MYRIP: variants seen among roughly 807,000 people sequenced by gnomAD.
MYRIP encodes myosin VIIA and Rab interacting protein.
Under a neutral mutation model 98.0 loss-of-function variants are expected in MYRIP, and 49 were observed. The observed-to-expected ratio is 0.50, with a 90% CI of 0.40 to 0.63. MYRIP has a LOEUF of 0.63. MYRIP is among the 30% of genes least tolerant of loss of function. The pLI, the probability that MYRIP is intolerant of heterozygous loss-of-function variation, is 0.00. For synonymous variants in MYRIP, 404 were observed against 409.5 expected, an observed-to-expected ratio of 0.99 and a Z score of 0.16; for missense variants, 1,004 against 1,058.2, an observed-to-expected ratio of 0.95 and a Z score of 0.71.
Position 39,900,808 on chromosome 3 carries a change from T to G in MYRIP, c.-9T>G. 1.2e-6 allele frequency: 2 copies of G among 1,609,402 alleles called. No homozygotes were observed. The highest frequency in any genetic ancestry group is 1.7e-6 in the Non-Finnish European group (2 of 1,176,364). ...CCAGGTCTTGTTTCATCATCTGTGT[T>G]GAGTAACCATGGGGAGGAAGCTGGA... On this transcript the variant is annotated 5_prime_UTR_variant, in exon 2 of 17. Coordinates refer to ENST00000302541, the MANE Select transcript of MYRIP (RefSeq NM_015460.4).
intron 3 of MYRIP, among the ~76,000 whole-genome samples, chr3:40,105,961 C>A (rs913561537): frequency 2.6e-5 from 4 of 151,284 alleles, no homozygotes; most frequent in Admixed American, 1.3e-4. Context: ...GGGACACAAC[C>A]AAACCATATC....
rs200995971 is a variant in MYRIP, at chr3:40,153,126, A to AAT, written c.469+1942_469+1943insAT. On this transcript the variant is annotated intron_variant, in intron 4 of 16. Coordinates refer to ENST00000302541, the MANE Select transcript of MYRIP (RefSeq NM_015460.4). ...AGAGCAAGACCCTGTCCAAAAAAAAAGCATTTTATGGATACCAAGACACTT... is the reference window on the plus strand; with the variant it reads ...AGAGCAAGACCCTGTCCAAAAAAAAAATGCATTTTATGGATACCAAGACACTT... 4.0e-3 allele frequency among the ~76,000 whole-genome samples: 609 copies of AAT among 152,180 alleles called. 6 individuals carry two copies. Among genetic ancestry groups the AAT allele is most frequent in the African/African-American group, 0.014 (569 of 41,480 alleles).
chr3:39,874,600 A>G (rs920226437), intron 1 of MYRIP, among the ~76,000 whole-genome samples: 1 of 152,268 alleles, frequency 6.6e-6, no homozygotes, highest in Admixed American at 6.5e-5. Flanking sequence ...TGAGATAATC[A>G]TGCGGTTTTT....
intron 3 of MYRIP, among the ~76,000 whole-genome samples, chr3:40,057,761 T>C (rs1057441461): frequency 1.3e-5 from 2 of 152,246 alleles, no homozygotes; most frequent in African/African-American, 4.8e-5. Flanking sequence ...GGATGGGGCT[T>C]TGCTTTCTTT....
intron 2 of MYRIP, among the ~76,000 whole-genome samples, chr3:40,035,580 C>T (rs1165636714): frequency 6.6e-6 from 1 of 151,352 alleles, no homozygotes; most frequent in Non-Finnish European, 1.5e-5. Context: ...AGGAAGGGGG[C>T]GTAAAAGAAG....
chr3:39,955,900 T>C (rs1210732809), intron 2 of MYRIP, among the ~76,000 whole-genome samples: 1 of 152,098 alleles, frequency 6.6e-6, no homozygotes. Flanking sequence ...AAAACAGATT[T>C]TAAATCAACA....
intron 1 of MYRIP, among the ~76,000 whole-genome samples, chr3:39,853,977 C>A (rs1250812175): frequency 6.6e-6 from 1 of 152,068 alleles, no homozygotes; most frequent in African/African-American, 2.4e-5. Flanking sequence ...ATGTGGCTTG[C>A]CAGTTATCCC....
chr3:39,995,029 C>A (rs1007086521), intron 2 of MYRIP, among the ~76,000 whole-genome samples: 1 of 152,092 alleles, frequency 6.6e-6, no homozygotes, highest in Non-Finnish European at 1.5e-5. Flanking sequence ...ACACCAAAAC[C>A]CCATCTGTAA....
intron 3 of MYRIP, among the ~76,000 whole-genome samples, chr3:40,070,119 G>A (rs1201795081): frequency 6.6e-6 from 1 of 152,076 alleles, no homozygotes; most frequent in Non-Finnish European, 1.5e-5. Context: ...TTATATCTGG[G>A]TCCCTTAATG....
At chr3:40,186,616 T>G (rs1160061485) in intron 9 of MYRIP, among the ~76,000 whole-genome samples, 3 of 152,154 alleles carry the variant, frequency 2.0e-5, no homozygotes, top group African/African-American at 7.2e-5. Flanking sequence ...CCTGGGTACT[T>G]CCACTCTGCC....
At chr3:40,153,524 A>G (rs1415188334) in intron 4 of MYRIP, among the ~76,000 whole-genome samples, 1 of 152,170 alleles carries the variant, frequency 6.6e-6, no homozygotes. Context: ...CCAATACCCC[A>G]AATCATTGTC....
chr3:40,015,821 A>C (rs1946850389), intron 2 of MYRIP, among the ~76,000 whole-genome samples: 1 of 152,156 alleles, frequency 6.6e-6, no homozygotes, highest in Non-Finnish European at 1.5e-5. Context: ...AACACCTATA[A>C]CCTAACATCA....
intron 2 of MYRIP, among the ~76,000 whole-genome samples, chr3:39,905,071 T>A (rs535245964): frequency 6.6e-6 from 1 of 152,254 alleles, no homozygotes; most frequent in South Asian, 2.1e-4. Context: ...ACAAAAGGCA[T>A]GGTGACGCCT....
intron 1 of MYRIP, among the ~76,000 whole-genome samples, chr3:39,830,507 C>A (rs1300902936): frequency 6.6e-6 from 1 of 152,172 alleles, no homozygotes; most frequent in Non-Finnish European, 1.5e-5. Context: ...GGTTTCCTCT[C>A]TCACTGAGAA....
At chr3:39,864,238 T>C (rs1299132989) in intron 1 of MYRIP, among the ~76,000 whole-genome samples, 2 of 151,984 alleles carry the variant, frequency 1.3e-5, no homozygotes, top group South Asian at 2.1e-4. Context: ...TGAAAACCAG[T>C]ACAAAACAAG....
chr3:39,960,069 C>A (rs770285968), intron 2 of MYRIP, among the ~76,000 whole-genome samples: 1 of 152,104 alleles, frequency 6.6e-6, no homozygotes, highest in Admixed American at 6.6e-5. Flanking sequence ...GGCCTTTCTC[C>A]TGGTTCTGGC....
At chr3:40,067,946 T>C (rs1034109952) in intron 3 of MYRIP, among the ~76,000 whole-genome samples, 2 of 152,200 alleles carry the variant, frequency 1.3e-5, no homozygotes, top group Admixed American at 1.3e-4. Context: ...ATACATCAAC[T>C]CCTATCCATA....
chr3:39,868,324 G>A (rs2125626722), intron 1 of MYRIP, among the ~76,000 whole-genome samples: 1 of 152,232 alleles, frequency 6.6e-6, no homozygotes, highest in Non-Finnish European at 1.5e-5. Context: ...CTTTTTTGGG[G>A]GTATTGAGGT....
At chr3:39,889,757 A>T (rs1309176952) in intron 1 of MYRIP, among the ~76,000 whole-genome samples, 1 of 152,170 alleles carries the variant, frequency 6.6e-6, no homozygotes, top group African/African-American at 2.4e-5. Flanking sequence ...TTTAAAATTT[A>T]TGTTGAATTT....
Sources: gnomAD v4.1 joint callset for allele counts (sites outside exome capture counted in the v4.1 genomes callset) on GRCh38, gnomAD v4.1.1 for gene constraint, MANE v1.5 for transcripts, NCBI Gene and HGNC (gene_info 2026-07-23, HGNC 2026-07-21) for gene names.